Variants in NAT1 observed in about 807,000 individuals in gnomAD.
The protein encoded by NAT1 is N-acetyltransferase 1.
For missense variants in NAT1, 400 were observed against 339.2 expected, an observed-to-expected ratio of 1.18 and a Z score of -1.41; for synonymous variants, 144 against 122.6, an observed-to-expected ratio of 1.17 and a Z score of -1.16.
At chr8:18,187,170 T>C (rs1279049986) in intron 2 of NAT1, among the ~76,000 whole-genome samples, 2 of 152,186 alleles carry the variant, frequency 1.3e-5, no homozygotes, top group Admixed American at 6.5e-5. Flanking sequence ...CACCGGTCAC[T>C]GTGGTTATTA....
At position 18,197,651 on chromosome 8, in the gene NAT1, C is replaced by G. The variant is rs182209380; in HGVS notation, n.93-12130C>G. Among the ~76,000 whole-genome samples, 104 of 152,236 alleles carry G rather than the reference C, an allele frequency of 6.8e-4. 1 individual carries two copies. The East Asian group carries it at 0.013, about 19-fold the overall frequency. ...ATGAAACTCTTAAAACTTGGTGTGG[C>G]GGTTTGTCTAAACAGCATCCTTTCT... On this transcript the variant is annotated intron_variant and non_coding_transcript_variant, in intron 2 of 4. Transcript: ENST00000517441.
rs995415998 is a variant in NAT1 at position 18,188,103 on chromosome 8, A to T, written n.92+17364A>T. On this transcript the variant is annotated intron_variant and non_coding_transcript_variant, in intron 2 of 4. Coordinates refer to the NAT1 transcript ENST00000517441. ...ACAGACTAGATCTAGAAATTAATATACTTTTACTCTTTGTACCTGAGCAAA... is the reference window on the plus strand; with the variant it reads ...ACAGACTAGATCTAGAAATTAATATTCTTTTACTCTTTGTACCTGAGCAAA... Among the ~76,000 whole-genome samples, 4 of 152,188 alleles carry T rather than the reference A, an allele frequency of 2.6e-5. No homozygotes were observed. In the South Asian group the frequency reaches 8.3e-4, roughly 32 times the overall value.
At chr8:18,204,001 A>C (rs1177168572) in intron 2 of NAT1, among the ~76,000 whole-genome samples, 1 of 152,178 alleles carries the variant, frequency 6.6e-6, no homozygotes, top group Non-Finnish European at 1.5e-5. Flanking sequence ...GTCCACTTGC[A>C]TAAGAAAATT....
chr8:18,184,293 T>C (rs912370617), intron 2 of NAT1, among the ~76,000 whole-genome samples: 2 of 151,948 alleles, frequency 1.3e-5, no homozygotes, highest in African/African-American at 4.8e-5. Flanking sequence ...CCAAGGAGAG[T>C]TGCATTAGAA....
At chr8:18,199,575 T>G (rs1040330069) in intron 2 of NAT1, among the ~76,000 whole-genome samples, 1 of 152,196 alleles carries the variant, frequency 6.6e-6, no homozygotes, top group Non-Finnish European at 1.5e-5. Flanking sequence ...ATTGGAAGGT[T>G]TGCCTTCAGT....
At chr8:18,174,303 C>G (rs1802207556) in intron 2 of NAT1, among the ~76,000 whole-genome samples, 1 of 152,160 alleles carries the variant, frequency 6.6e-6, no homozygotes, top group Non-Finnish European at 1.5e-5. Context: ...CGTATTTCAT[C>G]TGGACACATT....
At chr8:18,215,751 A>G (rs1468839520) in intron 1 of NAT1, among the ~76,000 whole-genome samples, 1 of 151,854 alleles carries the variant, frequency 6.6e-6, no homozygotes, top group African/African-American at 2.4e-5. Context: ...CATCATTTTC[A>G]TGTATGTATA....
intron 1 of NAT1, chr8:18,211,306 G>A (rs993326610): frequency 3.9e-5 from 6 of 152,296 alleles, no homozygotes; most frequent in African/African-American, 1.4e-4. Context: ...TACCCTGGAT[G>A]CTGCTCCCAT....
At chr8:18,204,176 T>A (rs929561167) in intron 2 of NAT1, among the ~76,000 whole-genome samples, 3 of 152,082 alleles carry the variant, frequency 2.0e-5, no homozygotes, top group Non-Finnish European at 4.4e-5. Flanking sequence ...TCTCTCTCTC[T>A]CTCTCTCTCG....
upstream of NAT1, among the ~76,000 whole-genome samples, chr8:18,205,173 T>C (rs999885913): frequency 1.8e-4 from 28 of 151,962 alleles, no homozygotes; most frequent in Admixed American, 1.8e-3. Flanking sequence ...CCAGCAGCAG[T>C]GGTAGTGGCA....
chr8:18,193,956 T>A (rs1008484871), intron 2 of NAT1, among the ~76,000 whole-genome samples: 47 of 152,018 alleles, frequency 3.1e-4, no homozygotes, highest in Admixed American at 3.0e-3. Context: ...CTGCTATTTT[T>A]AAAAACAAAA....
chr8:18,217,632 G>T (rs1399030438), intron 1 of NAT1, among the ~76,000 whole-genome samples: 3 of 152,170 alleles, frequency 2.0e-5, no homozygotes, highest in African/African-American at 7.2e-5. Context: ...TGGCTGTCTG[G>T]ATCTACAGGA....
intron 1 of NAT1, among the ~76,000 whole-genome samples, chr8:18,215,225 G>T (rs1456867728): frequency 6.6e-6 from 1 of 152,176 alleles, no homozygotes; most frequent in Non-Finnish European, 1.5e-5. Flanking sequence ...GGGTATTCAG[G>T]TTGATTCTGT....
intron 2 of NAT1, among the ~76,000 whole-genome samples, chr8:18,175,238 T>C (rs997899424): frequency 1.6e-4 from 25 of 152,078 alleles, no homozygotes; most frequent in African/African-American, 6.0e-4. Flanking sequence ...AAATCTATTC[T>C]TTTTAGCAAT....
chr8:18,175,763 T>G (rs891589850), intron 2 of NAT1, among the ~76,000 whole-genome samples: 2 of 152,048 alleles, frequency 1.3e-5, no homozygotes, highest in Non-Finnish European at 2.9e-5. Flanking sequence ...GGTAATTATA[T>G]TTTTAGTTTT....
chr8:18,216,305 G>T (rs935782754), intron 1 of NAT1, among the ~76,000 whole-genome samples: 1 of 152,136 alleles, frequency 6.6e-6, no homozygotes, highest in African/African-American at 2.4e-5. Context: ...TCTATGGGTT[G>T]CCCTGAGTAG....
intron 2 of NAT1, among the ~76,000 whole-genome samples, chr8:18,219,846 T>C (rs1024460269): frequency 2.6e-5 from 4 of 152,182 alleles, no homozygotes; most frequent in Admixed American, 6.5e-5. Flanking sequence ...ATCAACACTT[T>C]ATCTTAAAAA....
chr8:18,187,965 AC>A (rs1802813283), intron 2 of NAT1, among the ~76,000 whole-genome samples: 1 of 151,696 alleles, frequency 6.6e-6, no homozygotes, highest in Non-Finnish European at 1.5e-5. Flanking sequence ...ACACACACAC[AC>A]ACACACACAC....
intron 2 of NAT1, among the ~76,000 whole-genome samples, chr8:18,190,804 TGCC>T (rs1166841884): frequency 1.3e-5 from 2 of 152,126 alleles, no homozygotes; most frequent in Non-Finnish European, 2.9e-5. Flanking sequence ...TGGTGACTCA[TGCC>T]TGTAATCCCA....
Sources: gnomAD v4.1 joint callset for allele counts (sites outside exome capture counted in the v4.1 genomes callset) on GRCh38, gnomAD v4.1.1 for gene constraint, MANE v1.5 for transcripts, NCBI Gene and HGNC (gene_info 2026-07-23, HGNC 2026-07-21) for gene names.